Variants in EVA1C observed in about 807,000 individuals in gnomAD.
EVA1C encodes the protein eva-1 homolog C.
EVA1C carries 25 observed loss-of-function variants against 45.4 expected under a neutral mutation model. That is an observed-to-expected ratio of 0.55 (90% CI 0.40 to 0.77). The LOEUF is 0.77. Among genes scored for constraint, EVA1C ranks in the 30% least tolerant of loss-of-function variants. The probability of loss-of-function intolerance (pLI) is 0.00; values close to 1 mark genes in which losing one functional copy is unlikely to be tolerated. For synonymous variants in EVA1C, 190 were observed against 221.2 expected (o/e 0.86, Z 1.25); for missense variants, 479 against 554.8 (o/e 0.86, Z 1.37).
At chr21:32,501,330 A>G (rs2037522022) in intron 5 of EVA1C, 85 bp from the exon 6 acceptor site, 2 of 1,185,404 alleles carry the variant, frequency 1.7e-6, no homozygotes, top group Admixed American at 2.3e-5. Context: ...TTAAAATCTT[A>G]TCTACATTGC....
At chr21:32,455,406 C>T (rs184857388) in intron 2 of EVA1C, among the ~76,000 whole-genome samples, 1 of 152,286 alleles carries the variant, frequency 6.6e-6, no homozygotes, top group Admixed American at 6.5e-5. Flanking sequence ...CACCTGTTAA[C>T]ACTGTTACTG....
At chr21:32,437,623 T>G (rs143537861) in intron 1 of EVA1C, among the ~76,000 whole-genome samples, 4 of 152,328 alleles carry the variant, frequency 2.6e-5, no homozygotes, top group African/African-American at 7.2e-5. Context: ...AGAAGCTCCC[T>G]CTGAGCCTTT....
chr21:32,513,104 G>A (rs549339891), intron 7 of EVA1C, among the ~76,000 whole-genome samples: 1 of 148,000 alleles, frequency 6.8e-6, no homozygotes, highest in Non-Finnish European at 1.5e-5. Context: ...CTATATTATT[G>A]TAAGTATTAT....
chr21:32,480,007 G>A (rs1424697095), intron 4 of EVA1C, among the ~76,000 whole-genome samples: 1 of 152,050 alleles, frequency 6.6e-6, no homozygotes, highest in African/African-American at 2.4e-5. Context: ...TGTATTAAAA[G>A]CCTTGATGTT....
intron 4 of EVA1C, among the ~76,000 whole-genome samples, chr21:32,470,184 C>G (rs1462104398): frequency 1.3e-5 from 2 of 151,928 alleles, no homozygotes; most frequent in Admixed American, 6.6e-5. Flanking sequence ...GAAATGCATG[C>G]CTAAGTAATA....
chr21:32,414,175 T>C (rs8134043), intron 1 of EVA1C, among the ~76,000 whole-genome samples: 32,470 of 152,088 alleles, frequency 0.21, 5,363 homozygotes, highest in African/African-American at 0.44. Context: ...TATTCCTACC[T>C]AGCAAAGGAA....
chr21:32,453,612 A>G, intron 2 of EVA1C, 104 bp downstream of exon 2: 1 of 848,618 alleles, frequency 1.2e-6, no homozygotes, highest in East Asian at 2.7e-5. Context: ...CAATCCAAGC[A>G]AAACTGATCC....
chr21:32,478,613 G>C (rs1019366577), intron 4 of EVA1C, among the ~76,000 whole-genome samples: 1 of 152,226 alleles, frequency 6.6e-6, no homozygotes, highest in East Asian at 1.9e-4. Context: ...TCATCCGGCA[G>C]AAGAGAAACT....
At chr21:32,438,486 CAAAAAAA>C (rs35688820) in intron 1 of EVA1C, among the ~76,000 whole-genome samples, 1 of 57,274 alleles carries the variant, frequency 1.7e-5, no homozygotes, top group African/African-American at 7.1e-5. Context: ...GACTCTGTCT[CAAAAAAA>C]AAAAAAAAAA....
At chr21:32,473,364 T>G (rs1443253571) in intron 4 of EVA1C, among the ~76,000 whole-genome samples, 2 of 152,232 alleles carry the variant, frequency 1.3e-5, no homozygotes, top group African/African-American at 4.8e-5. Context: ...CGGGCCACTG[T>G]AGCTGTACAT....
chr21:32,424,731 A>G (rs1421201235), intron 1 of EVA1C, among the ~76,000 whole-genome samples: 1 of 152,218 alleles, frequency 6.6e-6, no homozygotes. Context: ...GGAGAACCAC[A>G]CAGAGCAGAT....
chr21:32,451,469 G>T (rs1344038722), intron 1 of EVA1C, among the ~76,000 whole-genome samples: 1 of 152,220 alleles, frequency 6.6e-6, no homozygotes, highest in African/African-American at 2.4e-5. Context: ...GCTTCTCAGA[G>T]CCCAGGGCTG....
intron 4 of EVA1C, among the ~76,000 whole-genome samples, chr21:32,482,470 G>A (rs940122634): frequency 3.9e-5 from 6 of 152,190 alleles, no homozygotes; most frequent in Non-Finnish European, 7.3e-5. Flanking sequence ...GTTCTCCAAT[G>A]AGTAGAAGAG....
At chr21:32,455,139 G>A (rs1292243537) in intron 2 of EVA1C, among the ~76,000 whole-genome samples, 2 of 152,084 alleles carry the variant, frequency 1.3e-5, no homozygotes, top group East Asian at 3.9e-4. Flanking sequence ...GGCGCCATAG[G>A]TTTGGTGTCT....
intron 1 of EVA1C, among the ~76,000 whole-genome samples, chr21:32,439,653 G>A (rs976360746): frequency 9.9e-5 from 15 of 151,956 alleles, no homozygotes; most frequent in African/African-American, 2.9e-4. Flanking sequence ...CTTTAGGCAC[G>A]GCTTTTTGGA....
At chr21:32,468,337 G>A (rs752045150) in intron 4 of EVA1C, among the ~76,000 whole-genome samples, 13 of 151,334 alleles carry the variant, frequency 8.6e-5, no homozygotes, top group Non-Finnish European at 1.6e-4. Context: ...CCATTATTGC[G>A]CTCCAGCCTG....
chr21:32,509,293 G>A (rs1330576988), intron 7 of EVA1C, among the ~76,000 whole-genome samples: 2 of 152,218 alleles, frequency 1.3e-5, no homozygotes, highest in Non-Finnish European at 2.9e-5. Context: ...GCCAAGCATT[G>A]CCCATATTGT....
chr21:32,470,535 C>CAGT (rs1601352432), intron 4 of EVA1C, among the ~76,000 whole-genome samples: 1 of 152,216 alleles, frequency 6.6e-6, no homozygotes, highest in East Asian at 1.9e-4. Flanking sequence ...TGTCCTGGTC[C>CAGT]AGTAAGTTGA....
chr21:32,473,734 G>T (rs2036461257), intron 4 of EVA1C, among the ~76,000 whole-genome samples: 1 of 152,156 alleles, frequency 6.6e-6, no homozygotes, highest in Admixed American at 6.5e-5. Context: ...GTCTCGCTCT[G>T]TCATCCAGGC....
Sources: gnomAD v4.1 joint callset for allele counts (sites outside exome capture counted in the v4.1 genomes callset) on GRCh38, gnomAD v4.1.1 for gene constraint, MANE v1.5 for transcripts, NCBI Gene and HGNC (gene_info 2026-07-23, HGNC 2026-07-21) for gene names.